CHRM3: variants seen among roughly 807,000 people sequenced by gnomAD.
CHRM3 encodes cholinergic receptor muscarinic 3, also known as muscarinic acetylcholine receptor M3.
In CHRM3, 11 loss-of-function variants were observed where a neutral mutation model predicts 41.8. The ratio of observed to expected loss-of-function variants is 0.26; its 90% confidence interval spans 0.17 to 0.44. CHRM3 has a LOEUF of 0.44. CHRM3 is among the 20% of genes least tolerant of loss of function. The pLI is 1.00. For missense variants in CHRM3, 571 were observed against 745.4 expected (o/e 0.77, Z 2.72); for synonymous variants, 297 against 301.4 (o/e 0.99, Z 0.15).
chr1:239,657,752 A>C (rs1023935674), intron 4 of CHRM3, among the ~76,000 whole-genome samples: 2 of 152,206 alleles, frequency 1.3e-5, no homozygotes, highest in Non-Finnish European at 2.9e-5. Context: ...CCTGAGAAAA[A>C]TGTTCACATT....
At chr1:239,844,861 A>G (rs898351327) in intron 6 of CHRM3, among the ~76,000 whole-genome samples, 6 of 152,164 alleles carry the variant, frequency 3.9e-5, no homozygotes, top group Admixed American at 2.6e-4. Context: ...ACTGATATTC[A>G]TTTTGATAAC....
At chr1:239,487,273 T>C (rs1221356939) in intron 1 of CHRM3, among the ~76,000 whole-genome samples, 1 of 152,158 alleles carries the variant, frequency 6.6e-6, no homozygotes, top group East Asian at 1.9e-4. Flanking sequence ...TTATTCGTTT[T>C]TCAAATTCAG....
At chr1:239,573,122 A>G (rs1235639384) in intron 3 of CHRM3, among the ~76,000 whole-genome samples, 4 of 152,112 alleles carry the variant, frequency 2.6e-5, no homozygotes, top group East Asian at 1.9e-4. Flanking sequence ...ACTCCTTCCC[A>G]TCGCCACGAG....
intron 3 of CHRM3, among the ~76,000 whole-genome samples, chr1:239,618,615 C>T (rs980580387): frequency 6.9e-4 from 105 of 151,702 alleles, no homozygotes; most frequent in African/African-American, 2.0e-3. Context: ...GAGGCCAAGG[C>T]GGTCGGATCA....
intron 1 of CHRM3, among the ~76,000 whole-genome samples, chr1:239,405,919 TATC>T (rs1240770695): frequency 1.4e-4 from 22 of 152,228 alleles, no homozygotes; most frequent in African/African-American, 5.3e-4. Context: ...AGTATCACTC[TATC>T]ATCAGGCTGG....
intron 4 of CHRM3, among the ~76,000 whole-genome samples, chr1:239,648,271 C>G (rs894547049): frequency 6.6e-6 from 1 of 152,138 alleles, no homozygotes; most frequent in Non-Finnish European, 1.5e-5. Flanking sequence ...GATGTCTCTT[C>G]TTGCTCCCTT....
At chr1:239,552,331 TG>T (rs1289240271) in intron 3 of CHRM3, among the ~76,000 whole-genome samples, 1 of 147,942 alleles carries the variant, frequency 6.8e-6, no homozygotes, top group Admixed American at 6.8e-5. Context: ...TATATATAGA[TG>T]ATATGTATCA....
intron 3 of CHRM3, among the ~76,000 whole-genome samples, chr1:239,560,011 C>G (rs954382704): frequency 6.6e-6 from 1 of 152,138 alleles, no homozygotes. Context: ...CTACATACCA[C>G]TTATTCATAA....
At chr1:239,529,190 T>C (rs1450079895) in intron 2 of CHRM3, among the ~76,000 whole-genome samples, 9 of 152,198 alleles carry the variant, frequency 5.9e-5, no homozygotes, top group Non-Finnish European at 1.2e-4. Flanking sequence ...AGGTGATACA[T>C]CACACCATAG....
At chr1:239,808,571 T>G (rs560530823) in intron 5 of CHRM3, among the ~76,000 whole-genome samples, 129 of 152,312 alleles carry the variant, frequency 8.5e-4, no homozygotes, top group African/African-American at 3.1e-3. Flanking sequence ...ATTTGCCACC[T>G]AAAATGCCTA....
chr1:239,611,612 G>C (rs186112590), intron 3 of CHRM3, among the ~76,000 whole-genome samples: 341 of 151,882 alleles, frequency 2.2e-3, no homozygotes, highest in Non-Finnish European at 3.8e-3. Flanking sequence ...GTAGAGATGG[G>C]GTTTCACCAT....
intron 4 of CHRM3, among the ~76,000 whole-genome samples, chr1:239,644,373 C>A (rs1358871706): frequency 6.9e-6 from 1 of 144,526 alleles, no homozygotes; most frequent in South Asian, 2.5e-4. Flanking sequence ...CTGTCCTGTT[C>A]CCCCAGGGTC....
At chr1:239,413,001 C>T (rs1661220323) in intron 1 of CHRM3, among the ~76,000 whole-genome samples, 1 of 151,740 alleles carries the variant, frequency 6.6e-6, no homozygotes, top group Non-Finnish European at 1.5e-5. Context: ...TTGCTTGAAC[C>T]CGGGAGGTGG....
intron 6 of CHRM3, among the ~76,000 whole-genome samples, chr1:239,868,113 A>G (rs1183899081): frequency 6.6e-6 from 1 of 152,226 alleles, no homozygotes; most frequent in Non-Finnish European, 1.5e-5. Context: ...ACTGTAAAGA[A>G]AGAAAGGCGA....
chr1:239,621,808 G>A (rs1668390104), intron 3 of CHRM3, among the ~76,000 whole-genome samples: 1 of 152,158 alleles, frequency 6.6e-6, no homozygotes, highest in Admixed American at 6.5e-5. Flanking sequence ...GAAGCAGCAA[G>A]TGCAGATCAT....
chr1:239,677,653 C>T (rs1658146029), intron 4 of CHRM3, among the ~76,000 whole-genome samples: 1 of 152,272 alleles, frequency 6.6e-6, no homozygotes, highest in East Asian at 1.9e-4. Flanking sequence ...TTTTGTACAG[C>T]ATTCTCCCAC....
intron 5 of CHRM3, among the ~76,000 whole-genome samples, chr1:239,752,794 A>ATTCC (rs1665939498): frequency 6.6e-6 from 1 of 152,214 alleles, no homozygotes; most frequent in Non-Finnish European, 1.5e-5. Flanking sequence ...AAATGTGATA[A>ATTCC]TAATTTTATT....
intron 4 of CHRM3, among the ~76,000 whole-genome samples, chr1:239,647,586 C>A (rs1671851030): frequency 6.6e-6 from 1 of 152,106 alleles, no homozygotes; most frequent in African/African-American, 2.4e-5. Flanking sequence ...CTTAACTTGA[C>A]CTTCAGTCCA....
intron 6 of CHRM3, among the ~76,000 whole-genome samples, chr1:239,859,511 C>T (rs528470998): frequency 3.3e-5 from 5 of 150,504 alleles, no homozygotes; most frequent in South Asian, 2.1e-4. Context: ...CTGCAAACTC[C>T]GCCTCCCGGG....
Sources: gnomAD v4.1 joint callset for allele counts (sites outside exome capture counted in the v4.1 genomes callset) on GRCh38, gnomAD v4.1.1 for gene constraint, MANE v1.5 for transcripts, NCBI Gene and HGNC (gene_info 2026-07-23, HGNC 2026-07-21) for gene names.